The following PTPRJ variants were observed in gnomAD, a reference collection of about 807,000 sequenced individuals.
PTPRJ encodes the protein receptor-type tyrosine-protein phosphatase eta.
A neutral mutation model predicts 141.3 loss-of-function variants in PTPRJ; 129 were observed. The observed-to-expected ratio is 0.91, with a 90% CI of 0.79 to 1.06. PTPRJ has a LOEUF of 1.06. PTPRJ is among the 50% of genes least tolerant of loss of function. PTPRJ has a pLI of 0.00. For missense variants in PTPRJ, 1,601 were observed against 1,679.7 expected (o/e 0.95, Z 0.82); for synonymous variants, 610 against 640.5 (o/e 0.95, Z 0.72).
At chr11:48,138,334 G>C (rs916712097) in intron 10 of PTPRJ, among the ~76,000 whole-genome samples, 2 of 152,122 alleles carry the variant, frequency 1.3e-5, no homozygotes, top group African/African-American at 4.8e-5. Flanking sequence ...ATAGTTATTT[G>C]TAGCCTATAG....
Position 48,137,252 on chromosome 11 carries a change from T to C in PTPRJ, c.2123T>C (p.Leu708Pro), listed in dbSNP as rs757430245. 2.8e-5 allele frequency: 46 copies of C among 1,614,176 alleles called. No homozygotes were observed. The highest frequency in any genetic ancestry group is 3.9e-5 in the Non-Finnish European group (46 of 1,180,008). ...CAAGTAGGGGATGGGATCAAGTCAC[T>C]GGAACCTGGCCGGAAGTCATTCTGT... ...FAQVGDGIKSLEPGRKSFCTD... is the reference protein window; with the variant it reads ...FAQVGDGIKSPEPGRKSFCTD... Residue 708 changes from leucine to proline, a missense_variant, in exon 10 of 25, where the codon CTG becomes CCG. Transcript: ENST00000418331.
At chr11:48,074,921 C>T (rs1484181692) in intron 1 of PTPRJ, among the ~76,000 whole-genome samples, 2 of 152,048 alleles carry the variant, frequency 1.3e-5, no homozygotes, top group African/African-American at 4.8e-5. Context: ...GTGGGTTTTA[C>T]ACATTAAGCA....
rs760127622 is a variant in PTPRJ at position 48,168,532 on chromosome 11, GTGTATATATATATATATATATATA to G, written c.*1172_*1195del. The G allele has an allele frequency of 0.065, 2,838 of 43,914 alleles. 369 individuals carry two copies. Among genetic ancestry groups the G allele is most frequent in the African/African-American group, 0.1 (1,171 of 11,484 alleles). The allele number at this position is 43,914 out of a possible 1,614,324, so 2.7% of individuals were successfully genotyped here. On this transcript the variant is annotated 3_prime_UTR_variant, in exon 25 of 25. Coordinates refer to ENST00000418331, the MANE Select transcript of PTPRJ (RefSeq NM_002843.4). ...GCCGTGACACATATCGGAATCTACTGTGTATATATATATATATATATATATATATATATATATATATATATATAT... is the reference window on the plus strand; with the variant it reads ...GCCGTGACACATATCGGAATCTACTGTATATATATATATATATATATATAT...
chr11:48,110,182 T>A, intron 2 of PTPRJ, 106 bp downstream of exon 2: 1 of 1,244,896 alleles, frequency 8.0e-7, no homozygotes, highest in Non-Finnish European at 1.1e-6. Context: ...TAAAACCTGC[T>A]CGGTTTCCAA....
At chr11:47,988,474 G>C (rs903858305) in intron 1 of PTPRJ, among the ~76,000 whole-genome samples, 8 of 151,976 alleles carry the variant, frequency 5.3e-5, no homozygotes, top group Non-Finnish European at 8.8e-5. Context: ...GCCTCCCACA[G>C]TGCTGGGATT....
chr11:48,120,811 T>C (rs1449378308), intron 3 of PTPRJ, among the ~76,000 whole-genome samples, 192 bp from the exon 4 acceptor site: 1 of 152,140 alleles, frequency 6.6e-6, no homozygotes, highest in Non-Finnish European at 1.5e-5. Flanking sequence ...GGCTTCTGTT[T>C]TACTAACATA....
Position 48,130,569 on chromosome 11 carries a change from G to C in PTPRJ, c.1468G>C (p.Gly490Arg). The stretch of plus-strand genomic sequence containing the variant: ...ATTTCAGATGCATATCACACAGGAG[G>C]GAGCTGGCAATTCTCGGGTAGAAAT... ...ESFQMHITQE[G>R]AGNSRVEITT... is the part of the protein sequence containing the mutation. Residue 490 changes from glycine to arginine, a missense_variant, in exon 8 of 25, where the codon GGA becomes CGA. Gly to Arg is a moderately radical substitution (Grantham distance 125). Transcript: ENST00000418331. 3.7e-6 allele frequency: 6 copies of C among 1,614,114 alleles called. No homozygotes were observed. The highest frequency in any genetic ancestry group is 5.1e-6 in the Non-Finnish European group (6 of 1,180,018).
intron 5 of PTPRJ, 55 bp downstream of exon 5, chr11:48,123,925 T>TA: frequency 6.6e-7 from 1 of 1,515,668 alleles, no homozygotes. Flanking sequence ...TTTCAGTAAC[T>TA]AAATGTTCTA....
At chr11:48,097,312 A>G (rs1398923259) in intron 1 of PTPRJ, among the ~76,000 whole-genome samples, 1 of 152,190 alleles carries the variant, frequency 6.6e-6, no homozygotes, top group Admixed American at 6.5e-5. Context: ...GGATGACAAC[A>G]TGGCTCATTC....
At chr11:47,981,882 G>C (rs891554555) in intron 1 of PTPRJ, among the ~76,000 whole-genome samples, 4 of 152,218 alleles carry the variant, frequency 2.6e-5, no homozygotes, top group African/African-American at 9.6e-5. Flanking sequence ...GAGCCAGCGG[G>C]CACGTCCTCT....
chr11:48,145,187 A>T, intron 14 of PTPRJ, 63 bp downstream of exon 14: 1 of 1,606,266 alleles, frequency 6.2e-7, no homozygotes, highest in Non-Finnish European at 8.5e-7. Flanking sequence ...TGTCCATAGA[A>T]GGCCAGCTGT....
At chr11:48,074,131 C>T (rs1855339098) in intron 1 of PTPRJ, among the ~76,000 whole-genome samples, 1 of 152,126 alleles carries the variant, frequency 6.6e-6, no homozygotes, top group Non-Finnish European at 1.5e-5. Context: ...AGGCACATGC[C>T]ACCATGCCCA....
At position 48,163,466 on chromosome 11, in the gene PTPRJ, A is replaced by G; in HGVS notation, c.3567A>G (p.Thr1189=). The stretch of plus-strand genomic sequence containing the variant: ...ATTTTCTGGGCTTTTAGATCCAGAC[A>G]AGTGAGAGTCACCCTCTGAGACAGT... ...IRDFTVKNIQ[T]SESHPLRQFH... Residue 1189 remains threonine, a synonymous_variant, in exon 23 of 25, where the codon ACA becomes ACG. Transcript: ENST00000418331. 1 of 1,614,026 alleles carries G rather than the reference A, an allele frequency of 6.2e-7. No individual in the cohort carries two copies. The highest frequency in any genetic ancestry group is 8.5e-7 in the Non-Finnish European group (1 of 1,179,938).
intron 1 of PTPRJ, among the ~76,000 whole-genome samples, chr11:48,093,016 T>A (rs1855911199): frequency 6.6e-6 from 1 of 152,242 alleles, no homozygotes; most frequent in Non-Finnish European, 1.5e-5. Context: ...CTTTATGTAT[T>A]TAAAAAAATC....
intron 1 of PTPRJ, among the ~76,000 whole-genome samples, chr11:48,032,216 T>C (rs982608500): frequency 6.6e-6 from 1 of 152,160 alleles, no homozygotes; most frequent in African/African-American, 2.4e-5. Flanking sequence ...TTCCCTTTTT[T>C]TGTGAAATGC....
intron 1 of PTPRJ, among the ~76,000 whole-genome samples, chr11:48,018,389 G>A (rs1192790136): frequency 1.3e-5 from 2 of 152,128 alleles, no homozygotes; most frequent in South Asian, 2.1e-4. Flanking sequence ...TTGGGGGCTG[G>A]GGGCAGTGGA....
At chr11:48,154,375 T>G (rs572797002) in intron 19 of PTPRJ, among the ~76,000 whole-genome samples, 1 of 152,390 alleles carries the variant, frequency 6.6e-6, no homozygotes, top group East Asian at 1.9e-4. Flanking sequence ...CAGCTAAGTA[T>G]GACTTATATT....
In PTPRJ at chr11:48,160,040, A is replaced by G. The variant is rs762027626; in HGVS notation, c.3549A>G (p.Thr1183=). 6.2e-7 allele frequency: 1 copy of G among 1,613,958 alleles called. No individual in the cohort carries two copies. The highest frequency in any genetic ancestry group is 1.1e-5 in the South Asian group (1 of 91,080). The change falls in exon 22 of 25, where the codon ACA becomes ACG. Residue 1183 remains threonine, a synonymous_variant. Transcript: ENST00000418331. ...CGGAATGGACCATCAGAGATTTCAC[A>G]GTGAAAAATGTAAGTAAGAAGTCAG... ...VLPEWTIRDF[T]VKNIQTSESH... is the part of the protein sequence containing the mutation.
chr11:48,025,015 G>A (rs924067187), intron 1 of PTPRJ, among the ~76,000 whole-genome samples: 3 of 152,256 alleles, frequency 2.0e-5, no homozygotes, highest in African/African-American at 7.2e-5. Context: ...ATTTCTTTCA[G>A]CAGTGCCATC....
Sources: allele counts gnomAD v4.1 joint callset (sites outside exome capture counted in the v4.1 genomes callset), GRCh38; gene constraint gnomAD v4.1.1; transcripts MANE v1.5; gene names NCBI Gene and HGNC (gene_info 2026-07-23, HGNC 2026-07-21).